DAB1: variants seen among roughly 807,000 people sequenced by gnomAD.
DAB1 encodes DAB adaptor protein 1, also known as disabled homolog 1.
DAB1 carries 15 observed loss-of-function variants against 64.6 expected under a neutral mutation model. The observed-to-expected ratio is 0.23, with a 90% CI of 0.16 to 0.36. The LOEUF is 0.36. DAB1 is among the 10% of genes least tolerant of loss of function. DAB1 has a pLI of 1.00. For missense variants in DAB1, 596 were observed against 706.7 expected (o/e 0.84, Z 1.78); for synonymous variants, 235 against 251.9 (o/e 0.93, Z 0.64).
intron 4 of DAB1, among the ~76,000 whole-genome samples, chr1:58,318,201 G>C (rs1662601821): frequency 6.6e-6 from 1 of 152,176 alleles, no homozygotes; most frequent in Admixed American, 6.5e-5. Flanking sequence ...CTCACCTCAT[G>C]CTAACCGCAC....
chr1:57,004,938 A>C (rs1055354176), intron 14 of DAB1, among the ~76,000 whole-genome samples: 1 of 152,224 alleles, frequency 6.6e-6, no homozygotes, highest in African/African-American at 2.4e-5. Context: ...GTGAGCTCGT[A>C]TAACATGAAG....
At chr1:57,787,403 A>G (rs1358881402) in intron 6 of DAB1, among the ~76,000 whole-genome samples, 2 of 152,166 alleles carry the variant, frequency 1.3e-5, no homozygotes, top group Non-Finnish European at 2.9e-5. Flanking sequence ...TACCAAGTAC[A>G]ATGGCAATTT....
chr1:58,293,119 C>A (rs1033936372), intron 4 of DAB1, among the ~76,000 whole-genome samples: 1 of 152,032 alleles, frequency 6.6e-6, no homozygotes, highest in Non-Finnish European at 1.5e-5. Context: ...AATAAATGAG[C>A]GAGTAGTGAA....
chr1:57,104,742 G>C (rs1654985132), intron 4 of DAB1, among the ~76,000 whole-genome samples: 1 of 152,160 alleles, frequency 6.6e-6, no homozygotes, highest in Admixed American at 6.5e-5. Context: ...GACAGGAGGA[G>C]AGTCTTGAGA....
At chr1:58,194,818 T>C (rs760410938) in intron 4 of DAB1, among the ~76,000 whole-genome samples, 6 of 152,218 alleles carry the variant, frequency 3.9e-5, no homozygotes, top group Admixed American at 6.5e-5. Context: ...AAGAATCTAA[T>C]TGGGACTGAA....
intron 2 of DAB1, among the ~76,000 whole-genome samples, chr1:57,150,881 A>G (rs1042534750): frequency 6.6e-6 from 1 of 152,186 alleles, no homozygotes; most frequent in African/African-American, 2.4e-5. Flanking sequence ...CAGAGCCTAT[A>G]CTGGTGGAGT....
intron 1 of DAB1, among the ~76,000 whole-genome samples, chr1:57,413,733 G>A (rs1240968388): frequency 9.2e-6 from 1 of 109,134 alleles, no homozygotes; most frequent in Non-Finnish European, 1.7e-5. Context: ...GACACAGCAA[G>A]ACTCTGTCTC....
chr1:57,339,301 G>A (rs905971264), intron 1 of DAB1, among the ~76,000 whole-genome samples: 5 of 152,080 alleles, frequency 3.3e-5, no homozygotes, highest in Non-Finnish European at 5.9e-5. Context: ...GACTACAGGC[G>A]CCCGCCACCA....
At chr1:58,536,386 A>G (rs1431348850) in intron 1 of DAB1, 11 of 572,882 alleles carry the variant, frequency 1.9e-5, no homozygotes, top group South Asian at 6.5e-5. Flanking sequence ...GGCCTTCGGG[A>G]AAAAAAAATG....
chr1:58,459,117 C>A (rs946436726), intron 3 of DAB1, among the ~76,000 whole-genome samples: 2 of 152,186 alleles, frequency 1.3e-5, no homozygotes, highest in Admixed American at 6.5e-5. Flanking sequence ...GCCCAGAAAT[C>A]ATTTCTTTGG....
intron 2 of DAB1, among the ~76,000 whole-genome samples, chr1:57,287,414 T>C (rs1570168679): frequency 1.3e-5 from 2 of 152,258 alleles, no homozygotes; most frequent in East Asian, 3.9e-4. Context: ...ATAACTTAAA[T>C]GTAAGCTAGA....
chr1:57,293,139 A>T (rs1161519136), intron 1 of DAB1, among the ~76,000 whole-genome samples: 2 of 152,124 alleles, frequency 1.3e-5, no homozygotes, highest in Non-Finnish European at 2.9e-5. Flanking sequence ...GCACGACTCT[A>T]GCAGGGAGGT....
intron 6 of DAB1, among the ~76,000 whole-genome samples, chr1:57,801,976 T>G (rs1193965885): frequency 6.6e-6 from 1 of 152,176 alleles, no homozygotes; most frequent in East Asian, 1.9e-4. Context: ...TAAGAGTATT[T>G]CACACCAGTC....
chr1:57,051,922 G>C (rs890675990), intron 9 of DAB1, among the ~76,000 whole-genome samples: 2 of 152,150 alleles, frequency 1.3e-5, no homozygotes, highest in Non-Finnish European at 2.9e-5. Context: ...TAAGCTAAGG[G>C]TGAGGAGATG....
chr1:57,235,081 C>T (rs944244277), intron 2 of DAB1, among the ~76,000 whole-genome samples: 3 of 152,162 alleles, frequency 2.0e-5, no homozygotes, highest in Non-Finnish European at 4.4e-5. Context: ...ATCATATTCA[C>T]AGATTTCAGG....
chr1:58,124,028 T>C (rs540450127), intron 5 of DAB1, among the ~76,000 whole-genome samples: 1 of 152,320 alleles, frequency 6.6e-6, no homozygotes, highest in South Asian at 2.1e-4. Context: ...TAGGTTTTCA[T>C]AGTAACTTGT....
In DAB1 at chr1:58,045,407, C is replaced by G. The variant is rs753658108; in HGVS notation, n.387+105104G>C. Among the ~76,000 whole-genome samples the G allele has an allele frequency of 5.3e-5, 8 of 152,310 alleles. No individual in the cohort carries two copies. In the South Asian group the frequency reaches 6.2e-4, roughly 12 times the overall value. On this transcript the variant is annotated intron_variant and non_coding_transcript_variant, in intron 5 of 20. Coordinates refer to the DAB1 transcript ENST00000485760. The stretch of plus-strand genomic sequence containing the variant: ...TCTCTCCACAGCATCCAGGCCTGAA[C>G]CTGTGACCCCAACTCCGCGAGCGGG...
chr1:58,339,024 G>C lies in DAB1; in HGVS notation n.309+4328C>G, dbSNP rs564374276. Among the ~76,000 whole-genome samples, 91 of 152,282 alleles carry C rather than the reference G, an allele frequency of 6.0e-4. 1 individual carries two copies. The South Asian group carries it at 0.016, about 27-fold the overall frequency. The stretch of plus-strand genomic sequence containing the variant: ...CAAGGGGTAAAGAGGAATGGGGAGT[G>C]ACTGCTTAATGGCTACAGAGTTTTC... On this transcript the variant is annotated intron_variant and non_coding_transcript_variant, in intron 4 of 20. Coordinates refer to the DAB1 transcript ENST00000485760.
chr1:57,023,467 A>C, intron 11 of DAB1, 64 bp downstream of exon 11: 4 of 954,918 alleles, frequency 4.2e-6, no homozygotes, highest in Non-Finnish European at 5.0e-6. Flanking sequence ...CTGGCTCTGT[A>C]AACTCTTTCT....
Sources: gnomAD v4.1 joint callset for allele counts (sites outside exome capture counted in the v4.1 genomes callset) on GRCh38, gnomAD v4.1.1 for gene constraint, MANE v1.5 for transcripts, NCBI Gene and HGNC (gene_info 2026-07-23, HGNC 2026-07-21) for gene names.